HMGCLL1: variants seen among roughly 807,000 people sequenced by gnomAD.
HMGCLL1 encodes 3-hydroxymethyl-3-methylglutaryl-CoA lyase, cytoplasmic.
In HMGCLL1, 36 loss-of-function variants were observed where a neutral mutation model predicts 39.1. That is an observed-to-expected ratio of 0.92 (90% confidence interval 0.71 to 1.22). The LOEUF (loss-of-function observed/expected upper bound fraction) is 1.22, where lower values mean the gene tolerates loss of function less well. Ranked by LOEUF, HMGCLL1 falls within the 50% of genes most tolerant of loss-of-function variation. The pLI, the probability that HMGCLL1 is intolerant of heterozygous loss-of-function variation, is 0.00. For synonymous variants in HMGCLL1, 149 were observed against 144.0 expected (o/e 1.03, Z -0.25); for missense variants, 451 against 416.5 (o/e 1.08, Z -0.72).
intron 2 of HMGCLL1, 65 bp from the exon 3 acceptor site, chr6:55,541,901 T>G (rs1208514760): frequency 5.7e-6 from 6 of 1,061,246 alleles, no homozygotes; most frequent in Admixed American, 2.2e-5. Flanking sequence ...AAACAGAAAA[T>G]TACTTCCTAA....
At chr6:55,446,479 T>C (rs1176575454) in intron 7 of HMGCLL1, among the ~76,000 whole-genome samples, 1 of 151,892 alleles carries the variant, frequency 6.6e-6, no homozygotes, top group Non-Finnish European at 1.5e-5. Flanking sequence ...CTCCGTCTAC[T>C]TGAGCTCTCT....
chr6:55,569,829 A>G (rs1367084263), intron 1 of HMGCLL1, among the ~76,000 whole-genome samples: 1 of 152,214 alleles, frequency 6.6e-6, no homozygotes, highest in Admixed American at 6.5e-5. Flanking sequence ...ACAGAGACAA[A>G]GCCGCACTCC....
At chr6:55,663,215 T>C in the HMGCLL1 span, among the ~76,000 whole-genome samples, 3 of 151,820 alleles carry the variant, frequency 2.0e-5, no homozygotes, top group Non-Finnish European at 1.5e-5. Context: ...GTTATTTTTG[T>C]TCTCTGCTAG....
chr6:55,580,016 A>G (rs1437205272), upstream of HMGCLL1, among the ~76,000 whole-genome samples: 1 of 152,142 alleles, frequency 6.6e-6, no homozygotes, highest in Non-Finnish European at 1.5e-5. Flanking sequence ...GTCATCAAGA[A>G]TAGTCTCGTG....
At chr6:55,457,048 T>C (rs1019159577) in intron 7 of HMGCLL1, among the ~76,000 whole-genome samples, 2 of 152,208 alleles carry the variant, frequency 1.3e-5, no homozygotes, top group Non-Finnish European at 2.9e-5. Context: ...TGTCCGATGT[T>C]CAGTTTTATA....
upstream of HMGCLL1, among the ~76,000 whole-genome samples, chr6:55,581,684 G>T (rs1771989720): frequency 6.6e-6 from 1 of 151,936 alleles, no homozygotes; most frequent in Admixed American, 6.6e-5. Flanking sequence ...CAATATAACA[G>T]GTTAGAAGCT....
intron 1 of HMGCLL1, among the ~76,000 whole-genome samples, chr6:55,546,144 G>C (rs971699364): frequency 3.3e-5 from 5 of 152,016 alleles, no homozygotes; most frequent in Non-Finnish European, 7.4e-5. Context: ...ATAAGCAAGG[G>C]TTCCATAAAA....
intron 8 of HMGCLL1, among the ~76,000 whole-genome samples, chr6:55,437,736 C>T (rs1401507851): frequency 1.3e-5 from 2 of 151,992 alleles, no homozygotes; most frequent in Non-Finnish European, 2.9e-5. Context: ...TTAGGTGTAA[C>T]CCTTTGATGG....
chr6:55,659,605 G>C, the HMGCLL1 span, among the ~76,000 whole-genome samples: 1 of 151,838 alleles, frequency 6.6e-6, no homozygotes, highest in Non-Finnish European at 1.5e-5. Flanking sequence ...TCCTTTTACT[G>C]TTCAAGAGAC....
the HMGCLL1 span, among the ~76,000 whole-genome samples, chr6:55,667,148 T>G: frequency 6.6e-6 from 1 of 151,880 alleles, no homozygotes; most frequent in African/African-American, 2.4e-5. Flanking sequence ...AGGTGGACAA[T>G]ATTTAGCATT....
intron 7 of HMGCLL1, among the ~76,000 whole-genome samples, chr6:55,468,866 C>A (rs1764906228): frequency 6.6e-6 from 1 of 151,942 alleles, no homozygotes; most frequent in South Asian, 2.1e-4. Flanking sequence ...TTATCAGAAG[C>A]AATAGCTGCA....
chr6:55,438,107 A>G, intron 8 of HMGCLL1, among the ~76,000 whole-genome samples: 1 of 152,072 alleles, frequency 6.6e-6, no homozygotes, highest in Non-Finnish European at 1.5e-5. Flanking sequence ...AGCATCAGCT[A>G]TCAGCTATGG....
At position 55,579,180 on chromosome 6, in the gene HMGCLL1, A is replaced by G. The variant is rs1025874645; in HGVS notation, c.-125T>C. 3 of 740,304 alleles carry G rather than the reference A, an allele frequency of 4.1e-6. No homozygotes were observed. Among genetic ancestry groups the G allele is most frequent in the Admixed American group, 2.2e-5 (1 of 46,336 alleles). The allele number at this position is 740,304 out of a possible 1,614,324, so 45.9% of individuals were successfully genotyped here. A position where few individuals can be genotyped will look rare whatever the true frequency, so the allele number is the denominator to read the frequency against. On this transcript the variant is annotated 5_prime_UTR_variant, in exon 1 of 9. Coordinates refer to ENST00000274901, the MANE Select transcript of HMGCLL1 (RefSeq NM_001042406.2). ...CTCCGGTGCACTGGCTGTGAGGACCAGAGCTGTTCTGCGCACTGCGGCGGC... is the reference window on the plus strand; with the variant it reads ...CTCCGGTGCACTGGCTGTGAGGACCGGAGCTGTTCTGCGCACTGCGGCGGC...
intron 5 of HMGCLL1, among the ~76,000 whole-genome samples, chr6:55,508,422 TTAAA>T (rs1767274096): frequency 6.6e-6 from 1 of 151,938 alleles, no homozygotes; most frequent in African/African-American, 2.4e-5. Flanking sequence ...ATTGAAAAAG[TTAAA>T]TAAGATTAGA....
chr6:55,440,154 A>G (rs1763534249), intron 7 of HMGCLL1, among the ~76,000 whole-genome samples: 1 of 152,116 alleles, frequency 6.6e-6, no homozygotes, highest in Non-Finnish European at 1.5e-5. Flanking sequence ...AACACTTGCC[A>G]CCAGCAGTAA....
At chr6:55,519,539 A>ACATGCACACACAAATGTG (rs904999611) in intron 3 of HMGCLL1, among the ~76,000 whole-genome samples, 1 of 152,074 alleles carries the variant, frequency 6.6e-6, no homozygotes, top group Admixed American at 6.6e-5. Context: ...TGTTTTTCTA[A>ACATGCACACACAAATGTG]CATGCACACA....
chr6:55,476,448 T>G (rs1464249765), intron 7 of HMGCLL1, among the ~76,000 whole-genome samples: 1 of 151,678 alleles, frequency 6.6e-6, no homozygotes, highest in Non-Finnish European at 1.5e-5. Context: ...TGTATTGATT[T>G]TAATAGTATA....
At chr6:55,503,697 G>C (rs1256398023) in intron 5 of HMGCLL1, among the ~76,000 whole-genome samples, 1 of 151,554 alleles carries the variant, frequency 6.6e-6, no homozygotes, top group Non-Finnish European at 1.5e-5. Context: ...TGTCTGAAGT[G>C]GTCATCGTCC....
chr6:55,546,840 T>G (rs1484665779), intron 1 of HMGCLL1, among the ~76,000 whole-genome samples: 1 of 152,090 alleles, frequency 6.6e-6, no homozygotes, highest in Non-Finnish European at 1.5e-5. Flanking sequence ...GTGTAGTATA[T>G]GATACTAGCG....
Sources: allele counts gnomAD v4.1 joint callset (sites outside exome capture counted in the v4.1 genomes callset), GRCh38; gene constraint gnomAD v4.1.1; transcripts MANE v1.5; gene names NCBI Gene and HGNC (gene_info 2026-07-23, HGNC 2026-07-21).